LRRK1: variants seen among roughly 807,000 people sequenced by gnomAD.
LRRK1 encodes leucine rich repeat kinase 1.
In LRRK1, 113 loss-of-function variants were observed where a neutral mutation model predicts 209.1. That is an observed-to-expected ratio of 0.54 (90% CI 0.46 to 0.63). The LOEUF (loss-of-function observed/expected upper bound fraction) is 0.63. Ranked by LOEUF, LRRK1 falls within the 30% of genes least tolerant of loss-of-function variation. The pLI, the probability that LRRK1 is intolerant of heterozygous loss-of-function variation, is 0.00. For missense variants in LRRK1, 2,284 were observed against 2,632.2 expected (o/e 0.87, Z 2.89); for synonymous variants, 1,144 against 1,099.7 (o/e 1.04, Z -0.80).
chr15:101,051,877 C>T lies in LRRK1; in HGVS notation c.3606C>T (p.Phe1202=). 4 of 1,614,092 alleles carry T rather than the reference C, an allele frequency of 2.5e-6. No individual in the cohort carries two copies. In the South Asian group the frequency reaches 4.4e-5, roughly 18 times the overall value. ...DCVLTAIERD[F]ISCPRHPDLP... is the part of the protein sequence containing the mutation. Reference sequence around the variant, plus strand: ...TCCTGACGGCCATCGAGCGGGACTTCATCTCCTGCCCCAGACACCCGGACC... The same window carrying T: ...TCCTGACGGCCATCGAGCGGGACTTTATCTCCTGCCCCAGACACCCGGACC... Residue 1202 remains phenylalanine, a synonymous_variant, in exon 24 of 34, where the codon TTC becomes TTT. Coordinates refer to ENST00000388948, the MANE Select transcript of LRRK1 (RefSeq NM_024652.6).
chr15:101,060,149 C>T (rs143690286), intron 29 of LRRK1, among the ~76,000 whole-genome samples: 183 of 152,132 alleles, frequency 1.2e-3, no homozygotes, highest in African/African-American at 3.4e-3. Context: ...TGGGAGCACA[C>T]GGGCAGCCAA....
Position 101,012,055 on chromosome 15 carries a change from A to G in LRRK1, c.1329A>G (p.Lys443=), listed in dbSNP as rs376835233. 4.3e-6 allele frequency: 7 copies of G among 1,611,502 alleles called. 1 individual carries two copies. In the African/African-American group the frequency reaches 5.3e-5, roughly 12 times the overall value. ...SRNALECLPD[K]MAVFWKNHLK... ...ATGCCCTGGAATGTCTGCCAGACAA[A>G]ATGGCTGTCTTTTGGAAAAATCACC... Residue 443 remains lysine, a synonymous_variant, in exon 10 of 34, where the codon AAA becomes AAG. Coordinates refer to ENST00000388948, the MANE Select transcript of LRRK1 (RefSeq NM_024652.6).
intron 20 of LRRK1, among the ~76,000 whole-genome samples, chr15:101,042,710 C>G (rs925891760): frequency 2.0e-5 from 3 of 152,218 alleles, no homozygotes; most frequent in African/African-American, 7.2e-5. Flanking sequence ...GCCCCCTATC[C>G]TTACAAGCAG....
intron 2 of LRRK1, among the ~76,000 whole-genome samples, chr15:100,957,204 G>A (rs2042782914): frequency 6.6e-6 from 1 of 152,068 alleles, no homozygotes; most frequent in Non-Finnish European, 1.5e-5. Flanking sequence ...CTTGTTTTAT[G>A]GCCCAACATA....
Position 101,065,419 on chromosome 15 carries a change from C to T in LRRK1, c.4982C>T (p.Thr1661Ile). Residue 1661 changes from threonine to isoleucine, a missense_variant, in exon 32 of 34, where the codon ACC becomes ATC. By Grantham distance (89) the Thr-to-Ile change is moderately conservative. This residue lies in a region of LRRK1 where 643 missense variants were observed against 695.9 expected (regional missense o/e 0.92). Transcript: ENST00000388948. ...GCTGTGTTTCCCGTGGTGCGGGGCA[C>T]CCCAAAGGACAGCTGCTCCTACCTG... The part of the protein sequence containing the change: ...LVAVFPVVRG[T>I]PKDSCSYLCS... The T allele has an allele frequency of 6.2e-7, 1 of 1,614,138 alleles. No individual in the cohort carries two copies. Among genetic ancestry groups the T allele is most frequent in the Non-Finnish European group, 8.5e-7 (1 of 1,180,040 alleles).
At chr15:101,049,991 C>T (rs1053219652) in intron 23 of LRRK1, among the ~76,000 whole-genome samples, 5 of 152,116 alleles carry the variant, frequency 3.3e-5, no homozygotes, top group African/African-American at 7.2e-5. Context: ...GGACTGGGCT[C>T]GGACACCACT....
Position 101,057,055 on chromosome 15 carries a change from T to C in LRRK1, c.4527+5T>C, listed in dbSNP as rs758906981. 5 of 1,596,074 alleles carry C rather than the reference T, an allele frequency of 3.1e-6. No individual in the cohort carries two copies. The highest frequency in any genetic ancestry group is 4.3e-6 in the Non-Finnish European group (5 of 1,170,228). The stretch of plus-strand genomic sequence containing the variant: ...TGGGACACTAAGCCAGAGAAGGTAC[T>C]TGGGGACACAGAGCCCAGGGCCTGG... On this transcript the variant is annotated splice_donor_5th_base_variant and intron_variant, in intron 28 of 33. Transcript: ENST00000388948.
intron 27 of LRRK1, among the ~76,000 whole-genome samples, chr15:101,055,446 G>A (rs2035743401): frequency 6.6e-6 from 1 of 152,158 alleles, no homozygotes; most frequent in Non-Finnish European, 1.5e-5. Context: ...CTTAGCATCA[G>A]CCTTCTCAGA....
intron 20 of LRRK1, among the ~76,000 whole-genome samples, chr15:101,031,910 A>G (rs2034300460): frequency 6.6e-6 from 1 of 152,004 alleles, no homozygotes; most frequent in Non-Finnish European, 1.5e-5. Flanking sequence ...AATTTTTTGT[A>G]TTTTTAGTAG....
intron 15 of LRRK1, among the ~76,000 whole-genome samples, chr15:101,023,859 C>T (rs1391696407): frequency 6.6e-6 from 1 of 152,204 alleles, no homozygotes; most frequent in East Asian, 1.9e-4. Flanking sequence ...AATCCTAGAA[C>T]ATTCCAGGAG....
At chr15:100,966,458 A>T (rs1427170075) in intron 2 of LRRK1, among the ~76,000 whole-genome samples, 2 of 152,236 alleles carry the variant, frequency 1.3e-5, no homozygotes, top group African/African-American at 4.8e-5. Context: ...GGAAATAAAG[A>T]AGAAAAATCT....
chr15:100,953,430 C>T (rs2042694004), intron 2 of LRRK1, among the ~76,000 whole-genome samples: 1 of 152,002 alleles, frequency 6.6e-6, no homozygotes, highest in Non-Finnish European at 1.5e-5. Flanking sequence ...TCTCCAGGTT[C>T]ACCCATGTTG....
chr15:100,930,326 T>C (rs529892616), intron 2 of LRRK1, among the ~76,000 whole-genome samples: 1 of 151,584 alleles, frequency 6.6e-6, no homozygotes, highest in East Asian at 1.9e-4. Context: ...TATCCAAGAG[T>C]TTTTTGACTT....
intron 12 of LRRK1, 120 bp downstream of exon 12, chr15:101,015,522 T>C: frequency 1.5e-6 from 1 of 686,854 alleles, no homozygotes; most frequent in Non-Finnish European, 2.5e-6. Context: ...CCTGTTGCAA[T>C]GCCACAGATG....
chr15:100,921,657 A>T (rs1222291469), intron 1 of LRRK1, among the ~76,000 whole-genome samples: 1 of 152,162 alleles, frequency 6.6e-6, no homozygotes, highest in Non-Finnish European at 1.5e-5. Context: ...AGCTTCACAA[A>T]CTCATGAAGT....
rs747334497 is a variant in LRRK1 at position 101,049,656 on chromosome 15, C to T, written c.3312C>T (p.Ser1104=). 4.0e-5 allele frequency: 65 copies of T among 1,613,702 alleles called. No homozygotes were observed. Among genetic ancestry groups the T allele is most frequent in the South Asian group, 2.2e-4 (20 of 91,030 alleles). ...CTCTGGATTGCAGTGTGGAATCTTC[C>T]GACGTGAACTGGAAAAAGAAGAAAA... ...FDGGYLSVES[S]DVNWKKKKSG... Residue 1104 remains serine, a synonymous_variant, in exon 23 of 34, where the codon TCC becomes TCT. Coordinates refer to ENST00000388948, the MANE Select transcript of LRRK1 (RefSeq NM_024652.6).
chr15:100,941,081 T>C (rs1333558668), intron 2 of LRRK1, among the ~76,000 whole-genome samples: 1 of 152,212 alleles, frequency 6.6e-6, no homozygotes, highest in Non-Finnish European at 1.5e-5. Context: ...TGCCCTTGGC[T>C]ACATAAAGAG....
In LRRK1 at chr15:101,022,331, G is replaced by A; in HGVS notation, c.1853-52G>A. ...CACAACAGGATTTTGTGTCCTAAGA[G>A]ATGTGAGCATGTGCCCACGCAGCTA... On this transcript the variant is annotated intron_variant, in intron 14 of 33. Coordinates refer to ENST00000388948, the MANE Select transcript of LRRK1 (RefSeq NM_024652.6). This position sits in a 1 kb window ranked among gnomAD's most constrained non-coding sequence, Gnocchi z 4.0. 1 of 1,534,430 alleles carries A rather than the reference G, an allele frequency of 6.5e-7. No homozygotes were observed. Among genetic ancestry groups the A allele is most frequent in the Middle Eastern group, 1.7e-4 (1 of 5,918 alleles).
chr15:101,061,350 G>A (rs1273636725), intron 30 of LRRK1, 62 bp downstream of exon 30: 1 of 1,175,666 alleles, frequency 8.5e-7, no homozygotes, highest in Non-Finnish European at 1.3e-6. Context: ...GCAGCCCTGG[G>A]TGGGGGCCAC....
Sources: gnomAD v4.1 joint callset for allele counts (sites outside exome capture counted in the v4.1 genomes callset) on GRCh38, gnomAD v4.1.1 for gene constraint, gnomAD v4.1.1 regional missense constraint, Gnocchi (gnomAD v3.1) non-coding constraint, MANE v1.5 for transcripts, NCBI Gene and HGNC (gene_info 2026-07-23, HGNC 2026-07-21) for gene names.